The following RASGRF2 variants were observed in gnomAD, a reference collection of about 807,000 sequenced individuals.
RASGRF2 encodes Ras protein specific guanine nucleotide releasing factor 2.
RASGRF2 carries 76 observed loss-of-function variants against 151.0 expected under a neutral mutation model. That is an observed-to-expected ratio of 0.50 (90% CI 0.42 to 0.61). The LOEUF (loss-of-function observed/expected upper bound fraction) is 0.61, where lower values mean the gene tolerates loss of function less well. Ranked by LOEUF, RASGRF2 falls within the 20% of genes least tolerant of loss-of-function variation. The pLI is 0.00. For synonymous variants in RASGRF2, 504 were observed against 566.5 expected (o/e 0.89, Z 1.57); for missense variants, 1,148 against 1,564.6 (o/e 0.73, Z 4.49).
In RASGRF2 at chr5:81,228,715, A is replaced by G. The variant is rs1003260959; in HGVS notation, c.*2945A>G. On this transcript the variant is annotated 3_prime_UTR_variant, in exon 27 of 27. Coordinates refer to ENST00000265080, the MANE Select transcript of RASGRF2 (RefSeq NM_006909.3). ...ATTAACTGAGACATCTAGTTTTGCT[A>G]CAGGGACAAATCTCTTACCTAATCC... is the stretch of plus-strand genomic sequence containing the variant. 6.6e-6 allele frequency: 1 copy of G among 152,222 alleles called. No individual in the cohort carries two copies. The highest frequency in any genetic ancestry group is 1.5e-5 in the Non-Finnish European group (1 of 68,036). 9.4% of individuals were successfully genotyped at this position (152,222 alleles called of 1,614,324 possible). A position where few individuals can be genotyped will look rare whatever the true frequency, so the allele number is the denominator to read the frequency against.
At chr5:81,009,880 C>G (rs907770132) in intron 1 of RASGRF2, among the ~76,000 whole-genome samples, 1 of 152,012 alleles carries the variant, frequency 6.6e-6, no homozygotes, top group Admixed American at 6.5e-5. Flanking sequence ...TTGGAGAGGC[C>G]GGGTGCGGTG....
Position 80,960,564 on chromosome 5 carries a change from C to A in RASGRF2, c.-175C>A. 2.0e-6 allele frequency: 1 copy of A among 490,260 alleles called. No individual in the cohort carries two copies. Among genetic ancestry groups the A allele is most frequent in the South Asian group, 1.1e-4 (1 of 9,408 alleles). The allele number at this position is 490,260 out of a possible 1,614,324, so 30.4% of individuals were successfully genotyped here. ...CGGCCCCAGCCCGCGCCCCTGCCAC[C>A]GCGCGCCGCGGCCTCCCGAAAGCGG... On this transcript the variant is annotated 5_prime_UTR_variant, in exon 1 of 27. Coordinates refer to ENST00000265080, the MANE Select transcript of RASGRF2 (RefSeq NM_006909.3). The surrounding 1 kb of genome is among the most constrained non-coding windows in gnomAD (Gnocchi z 5.5).
intron 2 of RASGRF2, among the ~76,000 whole-genome samples, chr5:81,051,546 T>C (rs1214825213): frequency 1.3e-5 from 2 of 152,190 alleles, no homozygotes; most frequent in East Asian, 3.8e-4. Context: ...ATGGATTTGC[T>C]CATTCTGGAC....
chr5:81,056,663 G>A lies in RASGRF2; in HGVS notation c.396-11369G>A, dbSNP rs1277304372. On this transcript the variant is annotated intron_variant, in intron 2 of 26. Coordinates refer to ENST00000265080, the MANE Select transcript of RASGRF2 (RefSeq NM_006909.3). Reference sequence around the variant, plus strand: ...TTAGGTCTGCTTGGTGCAGAGCTGAGTTCAATTCCTGGATATCCTTGTTAA... The same window carrying A: ...TTAGGTCTGCTTGGTGCAGAGCTGAATTCAATTCCTGGATATCCTTGTTAA... 5.9e-5 allele frequency among the ~76,000 whole-genome samples: 9 copies of A among 152,158 alleles called. No individual in the cohort carries two copies. In the East Asian group the frequency reaches 1.7e-3, roughly 29 times the overall value.
intron 18 of RASGRF2, among the ~76,000 whole-genome samples, chr5:81,200,649 A>G (rs1755366682): frequency 6.6e-6 from 1 of 152,300 alleles, no homozygotes; most frequent in Non-Finnish European, 1.5e-5. Flanking sequence ...ACAGTTACTG[A>G]TCTTACTCAT....
intron 11 of RASGRF2, 108 bp from the exon 12 acceptor site, chr5:81,094,748 T>G: frequency 8.2e-7 from 1 of 1,221,532 alleles, no homozygotes; most frequent in Non-Finnish European, 1.1e-6. Flanking sequence ...GAAATGAGAG[T>G]CCCGATTTGA....
At chr5:81,116,807 G>A (rs1273455181) in intron 15 of RASGRF2, among the ~76,000 whole-genome samples, 3 of 152,046 alleles carry the variant, frequency 2.0e-5, no homozygotes, top group African/African-American at 7.2e-5. Context: ...TTTTTGAATG[G>A]CTTAGTTTAC....
chr5:80,993,701 A>G (rs1183747227), intron 1 of RASGRF2, among the ~76,000 whole-genome samples: 2 of 152,210 alleles, frequency 1.3e-5, no homozygotes, highest in East Asian at 3.8e-4. Flanking sequence ...GCAAGAGGGA[A>G]GGGAGTGGTT....
chr5:81,149,204 A>G (rs1315016981), intron 17 of RASGRF2, among the ~76,000 whole-genome samples: 1 of 152,234 alleles, frequency 6.6e-6, no homozygotes, highest in African/African-American at 2.4e-5. Context: ...ACAACTCACA[A>G]TTGCAGAAAT....
intron 18 of RASGRF2, chr5:81,183,218 G>C: frequency 2.0e-6 from 2 of 982,440 alleles, no homozygotes; most frequent in Non-Finnish European, 2.4e-6. Flanking sequence ...AAAAGCTGTA[G>C]ATCCACATCA....
intron 7 of RASGRF2, among the ~76,000 whole-genome samples, chr5:81,085,458 C>G (rs557218603): frequency 1.1e-4 from 16 of 152,158 alleles, no homozygotes; most frequent in Non-Finnish European, 2.2e-4. Flanking sequence ...ACTCAAGTGA[C>G]TTGATGATAG....
At chr5:81,024,754 G>A (rs920548313) in intron 1 of RASGRF2, among the ~76,000 whole-genome samples, 1 of 152,160 alleles carries the variant, frequency 6.6e-6, no homozygotes, top group African/African-American at 2.4e-5. Flanking sequence ...GTCTTGGGCA[G>A]GCCCAGTGTA....
In RASGRF2 at chr5:81,201,316, A is replaced by G; in HGVS notation, c.2794-14A>G. 1 of 1,604,022 alleles carries G rather than the reference A, an allele frequency of 6.2e-7. No homozygotes were observed. The highest frequency in any genetic ancestry group is 8.5e-7 in the Non-Finnish European group (1 of 1,176,260). On this transcript the variant is annotated splice_polypyrimidine_tract_variant and intron_variant, in intron 18 of 26. Transcript: ENST00000265080. ...TCAAAGCTAAAATTTAAAAAGATTCATTTTATTTTACAGGATTTCGAACTC... is the reference window on the plus strand; with the variant it reads ...TCAAAGCTAAAATTTAAAAAGATTCGTTTTATTTTACAGGATTTCGAACTC...
chr5:81,033,855 A>G (rs548484033), intron 1 of RASGRF2, among the ~76,000 whole-genome samples: 32 of 152,366 alleles, frequency 2.1e-4, no homozygotes, highest in African/African-American at 6.3e-4. Context: ...ATCAGAGCGA[A>G]CAGGCAACCT....
At chr5:81,055,721 G>T (rs985559681) in intron 2 of RASGRF2, among the ~76,000 whole-genome samples, 9 of 152,126 alleles carry the variant, frequency 5.9e-5, no homozygotes, top group Non-Finnish European at 1.2e-4. Context: ...GCTCCTCTTT[G>T]TACCTCTGGT....
intron 26 of RASGRF2, among the ~76,000 whole-genome samples, chr5:81,223,915 T>G (rs539533112): frequency 6.6e-6 from 1 of 152,260 alleles, no homozygotes; most frequent in Non-Finnish European, 1.5e-5. Flanking sequence ...GATAAAATAT[T>G]CATGACCTTT....
chr5:81,160,533 G>A (rs548027743), intron 17 of RASGRF2, among the ~76,000 whole-genome samples: 2 of 151,918 alleles, frequency 1.3e-5, no homozygotes, highest in Non-Finnish European at 2.9e-5. Context: ...TTAGCCAGGC[G>A]TGGTGGCAGG....
chr5:81,162,234 G>A (rs1754401372), intron 17 of RASGRF2, among the ~76,000 whole-genome samples: 1 of 152,042 alleles, frequency 6.6e-6, no homozygotes, highest in African/African-American at 2.4e-5. Context: ...GAAGTTGATT[G>A]TGAGAAGTAT....
chr5:81,222,563 T>G (rs994974580), intron 26 of RASGRF2, among the ~76,000 whole-genome samples: 3 of 152,228 alleles, frequency 2.0e-5, no homozygotes, highest in African/African-American at 7.2e-5. Flanking sequence ...TTCTAGCACT[T>G]ACTGCTGGAG....
Sources: gnomAD v4.1 joint callset for allele counts (sites outside exome capture counted in the v4.1 genomes callset) on GRCh38, gnomAD v4.1.1 for gene constraint, Gnocchi (gnomAD v3.1) non-coding constraint, MANE v1.5 for transcripts, NCBI Gene and HGNC (gene_info 2026-07-23, HGNC 2026-07-21) for gene names.